Variants in MBD5 observed in about 807,000 individuals in gnomAD.
The protein encoded by MBD5 is methyl-CpG binding domain protein 5.
In MBD5, 13 loss-of-function variants were observed where a neutral mutation model predicts 117.3. The ratio of observed to expected loss-of-function variants is 0.11; its 90% CI spans 0.07 to 0.18. The LOEUF is 0.18. MBD5 is among the 10% of genes least tolerant of loss of function. The pLI is 1.00. For missense variants in MBD5, 1,879 were observed against 2,093.8 expected (o/e 0.90, Z 2.00); for synonymous variants, 727 against 766.4 (o/e 0.95, Z 0.85).
intron 4 of MBD5, among the ~76,000 whole-genome samples, chr2:148,431,512 A>C (rs971574698): frequency 2.0e-5 from 3 of 151,932 alleles, no homozygotes; most frequent in African/African-American, 7.2e-5. Context: ...ACTACCTGAT[A>C]GGTATTTTTT....
chr2:148,137,323 A>G (rs1697194063), intron 1 of MBD5, among the ~76,000 whole-genome samples: 1 of 151,968 alleles, frequency 6.6e-6, no homozygotes, highest in South Asian at 2.1e-4. Context: ...ACTGACCACT[A>G]TTTCTATTTT....
At chr2:148,327,337 G>T (rs946832845) in intron 3 of MBD5, among the ~76,000 whole-genome samples, 1 of 152,044 alleles carries the variant, frequency 6.6e-6, no homozygotes, top group African/African-American at 2.4e-5. Flanking sequence ...TTCTCGAGGA[G>T]TATCTTTGTG....
At chr2:148,076,865 G>T (rs1695522133) in intron 1 of MBD5, among the ~76,000 whole-genome samples, 1 of 152,214 alleles carries the variant, frequency 6.6e-6, no homozygotes, top group South Asian at 2.1e-4. Flanking sequence ...TCATAGTCTA[G>T]TAGAGGCAAA....
chr2:148,385,876 C>T (rs201825835), intron 4 of MBD5, among the ~76,000 whole-genome samples: 3,557 of 148,424 alleles, frequency 0.024, 103 homozygotes, highest in Admixed American at 0.085. Context: ...AACCAAACAC[C>T]ACATGTTCTC....
chr2:148,166,076 C>T (rs1478131274), intron 1 of MBD5, among the ~76,000 whole-genome samples: 2 of 152,010 alleles, frequency 1.3e-5, no homozygotes, highest in Non-Finnish European at 2.9e-5. Context: ...TCTTAAAAAA[C>T]TTGACAGGAC....
At position 148,021,475 on chromosome 2, in the gene MBD5, C is replaced by CTGT; in HGVS notation, c.-1132_-1131insTTG. The CTGT allele has an allele frequency of 1.7e-6, 1 of 578,958 alleles. No individual in the cohort carries two copies. Among genetic ancestry groups the CTGT allele is most frequent in the Non-Finnish European group, 3.3e-6 (1 of 300,838 alleles). The allele number at this position is 578,958 out of a possible 1,614,324, so 35.9% of individuals were successfully genotyped here. A position where few individuals can be genotyped will look rare whatever the true frequency, so the allele number is the denominator to read the frequency against. On this transcript the variant is annotated 5_prime_UTR_variant, in exon 1 of 14. Coordinates refer to ENST00000642680, the MANE Select transcript of MBD5 (RefSeq NM_001378120.1). The stretch of plus-strand genomic sequence containing the variant: ...TTTGCTGCTGCTGTTGCTGCTGCTG[C>CTGT]TGCTGTTGCTGCTGCTGCTGCTACT...
intron 1 of MBD5, among the ~76,000 whole-genome samples, chr2:148,164,865 C>A (rs1170039428): frequency 6.6e-6 from 1 of 152,108 alleles, no homozygotes; most frequent in Non-Finnish European, 1.5e-5. Context: ...GTAGTGAGGG[C>A]CTTCTTGCCT....
chr2:148,279,366 G>A (rs935624927), intron 3 of MBD5, among the ~76,000 whole-genome samples: 3 of 152,122 alleles, frequency 2.0e-5, no homozygotes, highest in African/African-American at 7.2e-5. Flanking sequence ...GGAGTTCGAG[G>A]GTGCAGTGAG....
chr2:148,376,449 A>T (rs930319915), intron 4 of MBD5, among the ~76,000 whole-genome samples: 3 of 150,088 alleles, frequency 2.0e-5, no homozygotes, highest in Non-Finnish European at 4.4e-5. Context: ...TTGTATTTTT[A>T]GCAGAGACGG....
chr2:148,234,964 G>T (rs2106158904), intron 3 of MBD5, among the ~76,000 whole-genome samples: 1 of 152,164 alleles, frequency 6.6e-6, no homozygotes, highest in Non-Finnish European at 1.5e-5. Flanking sequence ...CTCATAAGTA[G>T]TCTACGTTTC....
At chr2:148,427,643 A>T (rs899278534) in intron 4 of MBD5, among the ~76,000 whole-genome samples, 10 of 150,600 alleles carry the variant, frequency 6.6e-5, no homozygotes, top group Middle Eastern at 3.4e-3. Context: ...CTGTTGTGGG[A>T]TGGGGGCAGG....
intron 3 of MBD5, among the ~76,000 whole-genome samples, chr2:148,239,816 G>A (rs115209420): frequency 0.017 from 2,543 of 151,856 alleles, 29 homozygotes; most frequent in East Asian, 0.035. Context: ...TCCCACATCA[G>A]CCTCCTGAAT....
intron 3 of MBD5, among the ~76,000 whole-genome samples, chr2:148,311,607 GCCAGTCTGTGT>G (rs1257630944): frequency 6.6e-6 from 1 of 152,114 alleles, no homozygotes; most frequent in Non-Finnish European, 1.5e-5. Context: ...TCTCCAATTT[GCCAGTCTGTGT>G]CCTTTAATTA....
At chr2:148,122,955 G>A (rs929107803) in intron 1 of MBD5, among the ~76,000 whole-genome samples, 5 of 152,184 alleles carry the variant, frequency 3.3e-5, no homozygotes, top group Admixed American at 6.5e-5. Flanking sequence ...GAGGCCAAAT[G>A]ACTTAGCCAA....
At chr2:148,089,726 C>T (rs2105221002) in intron 1 of MBD5, among the ~76,000 whole-genome samples, 1 of 152,072 alleles carries the variant, frequency 6.6e-6, no homozygotes, top group South Asian at 2.1e-4. Flanking sequence ...CATTAAATGC[C>T]TACATGAAAA....
At chr2:148,298,560 A>G (rs1327104897) in intron 3 of MBD5, among the ~76,000 whole-genome samples, 3 of 152,172 alleles carry the variant, frequency 2.0e-5, no homozygotes, top group Admixed American at 6.5e-5. Flanking sequence ...ATTTTTTACC[A>G]GTTATGGTTG....
intron 1 of MBD5, among the ~76,000 whole-genome samples, chr2:148,077,588 T>C (rs1284039978): frequency 6.6e-6 from 1 of 152,162 alleles, no homozygotes; most frequent in Non-Finnish European, 1.5e-5. Flanking sequence ...GTTCAAAGTG[T>C]ATAGAATGTA....
intron 1 of MBD5, among the ~76,000 whole-genome samples, chr2:148,148,864 A>G (rs909507769): frequency 1.3e-5 from 2 of 152,136 alleles, no homozygotes; most frequent in Non-Finnish European, 2.9e-5. Flanking sequence ...TTCTCTCTAT[A>G]TGCCCTTGTG....
intron 1 of MBD5, among the ~76,000 whole-genome samples, chr2:148,161,705 A>C (rs1200953356): frequency 1.3e-5 from 2 of 152,186 alleles, no homozygotes; most frequent in African/African-American, 4.8e-5. Flanking sequence ...AGGAACTGTA[A>C]GGATTATTTC....
Sources: allele counts gnomAD v4.1 joint callset (sites outside exome capture counted in the v4.1 genomes callset), GRCh38; gene constraint gnomAD v4.1.1; transcripts MANE v1.5; gene names NCBI Gene and HGNC (gene_info 2026-07-23, HGNC 2026-07-21).